Variants in BNC2 observed in about 807,000 individuals in gnomAD.
BNC2 encodes basonuclin zinc finger protein 2, also known as zinc finger protein basonuclin-2.
A neutral mutation model predicts 76.3 loss-of-function variants in BNC2; 20 were observed. The ratio of observed to expected loss-of-function variants is 0.26; its 90% CI spans 0.18 to 0.38. The LOEUF is 0.38. Among genes scored for constraint, BNC2 ranks in the 10% least tolerant of loss-of-function variants. BNC2 has a pLI of 1.00. For synonymous variants in BNC2, 582 were observed against 514.8 expected, an observed-to-expected ratio of 1.13 and a Z score of -1.77; for missense variants, 1,382 against 1,399.8, an observed-to-expected ratio of 0.99 and a Z score of 0.20.
intron 5 of BNC2, among the ~76,000 whole-genome samples, chr9:16,485,567 G>C (rs556704926): frequency 3.3e-5 from 5 of 152,098 alleles, no homozygotes; most frequent in Admixed American, 1.3e-4. Flanking sequence ...CCACCCCACT[G>C]GGCTCATTTC....
intron 3 of BNC2, among the ~76,000 whole-genome samples, chr9:16,604,623 C>A (rs138614420): frequency 6.6e-6 from 1 of 151,924 alleles, no homozygotes; most frequent in Non-Finnish European, 1.5e-5. Flanking sequence ...ATGGCAAAAC[C>A]GCAGCTCTAC....
intron 3 of BNC2, among the ~76,000 whole-genome samples, chr9:16,698,267 G>A (rs1823398046): frequency 6.6e-6 from 1 of 151,666 alleles, no homozygotes; most frequent in Non-Finnish European, 1.5e-5. Context: ...TCACCTTTAG[G>A]AAATAAGCAT....
intron 6 of BNC2, among the ~76,000 whole-genome samples, chr9:16,422,212 A>G (rs540059758): frequency 2.0e-5 from 3 of 152,342 alleles, no homozygotes; most frequent in African/African-American, 7.2e-5. Context: ...ACGATGTACC[A>G]GCCCTCAATA....
intron 5 of BNC2, among the ~76,000 whole-genome samples, chr9:16,450,528 C>A (rs1455706084): frequency 6.6e-6 from 1 of 152,182 alleles, no homozygotes; most frequent in Admixed American, 6.5e-5. Flanking sequence ...GCATAAGTAA[C>A]AGGGCCACAC....
chr9:16,585,584 G>T (rs922888336), intron 3 of BNC2, among the ~76,000 whole-genome samples: 1 of 152,062 alleles, frequency 6.6e-6, no homozygotes, highest in Non-Finnish European at 1.5e-5. Flanking sequence ...AGAGACTATT[G>T]CCGCTTCAAA....
intron 3 of BNC2, among the ~76,000 whole-genome samples, chr9:16,690,836 G>C (rs1427459069): frequency 6.6e-6 from 1 of 152,166 alleles, no homozygotes; most frequent in Non-Finnish European, 1.5e-5. Flanking sequence ...AGACACAGAA[G>C]GTGACGGAGG....
At chr9:16,719,008 G>T (rs188251124) in intron 3 of BNC2, among the ~76,000 whole-genome samples, 6 of 152,068 alleles carry the variant, frequency 3.9e-5, no homozygotes, top group African/African-American at 1.2e-4. Context: ...GTTCTTTCTG[G>T]TACTCTAATA....
chr9:16,800,740 C>T (rs1258103109), intron 1 of BNC2, among the ~76,000 whole-genome samples: 1 of 152,122 alleles, frequency 6.6e-6, no homozygotes, highest in Non-Finnish European at 1.5e-5. Flanking sequence ...TGCCCTGTGA[C>T]CCTCTGAGGC....
At chr9:16,546,125 C>G (rs764308619) in intron 5 of BNC2, among the ~76,000 whole-genome samples, 31 of 152,148 alleles carry the variant, frequency 2.0e-4, no homozygotes, top group Non-Finnish European at 3.2e-4. Flanking sequence ...TATAATTACT[C>G]AGAGTTAACT....
chr9:16,870,114 A>G (rs1486369958), intron 1 of BNC2, among the ~76,000 whole-genome samples: 1 of 152,016 alleles, frequency 6.6e-6, no homozygotes, highest in Non-Finnish European at 1.5e-5. Flanking sequence ...ACAAGGGGAG[A>G]GGAAGAGTCA....
rs2132538643 is a variant in BNC2 at position 16,552,631 on chromosome 9, G to C, written c.568C>G (p.Leu190Val). The C allele has an allele frequency of 6.2e-7, 1 of 1,614,232 alleles. No individual in the cohort carries two copies. Among genetic ancestry groups the C allele is most frequent in the Non-Finnish European group, 8.5e-7 (1 of 1,180,032 alleles). The change falls in exon 5 of 7, where the codon CTG becomes GTG. Residue 190 changes from leucine (L) to valine (V), a missense_variant. This residue lies in a region of BNC2 where 557 missense variants were observed against 540.9 expected (regional missense o/e 1.03). Transcript: ENST00000380672. ...TTCAGGACGCTGAAGAGACGGTCCA[G>C]CAGGATCTTTAGCCGCACAGGCACT... ...QAVPVRLKIL[L>V]DRLFSVLKQE...
chr9:16,524,256 G>GTACA (rs967631488), intron 5 of BNC2, among the ~76,000 whole-genome samples: 5 of 152,202 alleles, frequency 3.3e-5, no homozygotes, highest in Admixed American at 1.3e-4. Flanking sequence ...CTGTAATGAA[G>GTACA]TACAGTATGA....
intron 1 of BNC2, among the ~76,000 whole-genome samples, chr9:16,773,672 A>G (rs1049976873): frequency 6.6e-6 from 1 of 152,168 alleles, no homozygotes; most frequent in Non-Finnish European, 1.5e-5. Context: ...CCTTTTTACC[A>G]AGTCTTAACA....
rs571930504 is a variant in BNC2, at chr9:16,845,400, A to G, written c.3+25246T>C. Among the ~76,000 whole-genome samples the G allele has an allele frequency of 2.6e-5, 4 of 152,288 alleles. No individual in the cohort carries two copies. In the East Asian group the frequency reaches 7.7e-4, roughly 29 times the overall value. Reference sequence around the variant, plus strand: ...CTACAAGTCATAATATACGCATTAGAAAGAAACCACGGTAGTTGGGTTTTC... The same window carrying G: ...CTACAAGTCATAATATACGCATTAGGAAGAAACCACGGTAGTTGGGTTTTC... On this transcript the variant is annotated intron_variant, in intron 1 of 6. Coordinates refer to ENST00000380672, the MANE Select transcript of BNC2 (RefSeq NM_017637.6).
At chr9:16,527,689 G>A (rs1817851651) in intron 5 of BNC2, among the ~76,000 whole-genome samples, 1 of 152,154 alleles carries the variant, frequency 6.6e-6, no homozygotes, top group Non-Finnish European at 1.5e-5. Flanking sequence ...GAGACAGGTT[G>A]AGAGGCAAAA....
intron 1 of BNC2, among the ~76,000 whole-genome samples, chr9:16,750,404 G>A (rs1825153494): frequency 6.6e-6 from 1 of 152,096 alleles, no homozygotes; most frequent in South Asian, 2.1e-4. Context: ...ACAGCATATG[G>A]CTTTACCACT....
chr9:16,868,772 C>A (rs544236620), intron 1 of BNC2, among the ~76,000 whole-genome samples: 1 of 151,798 alleles, frequency 6.6e-6, no homozygotes, highest in East Asian at 1.9e-4. Context: ...AACACAGATA[C>A]TCTCTAAAGG....
At chr9:16,636,401 C>G (rs1161432268) in intron 3 of BNC2, among the ~76,000 whole-genome samples, 1 of 152,042 alleles carries the variant, frequency 6.6e-6, no homozygotes, top group East Asian at 1.9e-4. Context: ...CTCCTGGACT[C>G]AAGCGATCCT....
At chr9:16,789,284 T>C (rs1586885413) in intron 1 of BNC2, among the ~76,000 whole-genome samples, 1 of 151,922 alleles carries the variant, frequency 6.6e-6, no homozygotes, top group East Asian at 1.9e-4. Flanking sequence ...ATGTTCTTCG[T>C]CTTGATTGTC....
Sources: allele counts gnomAD v4.1 joint callset (sites outside exome capture counted in the v4.1 genomes callset), GRCh38; gene constraint gnomAD v4.1.1; regional missense constraint gnomAD v4.1.1; transcripts MANE v1.5; gene names NCBI Gene and HGNC (gene_info 2026-07-23, HGNC 2026-07-21).